PHF11: variants seen among roughly 807,000 people sequenced by gnomAD.
PHF11 encodes PHD finger protein 11, also known as BRCA1 C-terminus-associated protein.
A neutral mutation model predicts 40.5 loss-of-function variants in PHF11; 38 were observed. That is an observed-to-expected ratio of 0.94 (90% CI 0.72 to 1.23). PHF11 has a LOEUF of 1.23. Ranked by LOEUF, PHF11 falls within the 50% of genes most tolerant of loss-of-function variation. The pLI is 0.00. For synonymous variants in PHF11, 127 were observed against 138.2 expected (o/e 0.92, Z 0.57); for missense variants, 369 against 392.4 (o/e 0.94, Z 0.50).
Position 49,523,181 on chromosome 13 carries a change from G to A in PHF11, c.577G>A (p.Glu193Lys), listed in dbSNP as rs368988100. ...PLSGNHVQPP[E>K]TMKCNTFIRQ... ...TCTTGATTTTCTCTCCTAGCCACCCGAAACAATGAAATGTAATACATTCAT... is the reference window on the plus strand; with the variant it reads ...TCTTGATTTTCTCTCCTAGCCACCCAAAACAATGAAATGTAATACATTCAT... The change falls in exon 7 of 10, where the codon GAA (glutamate) becomes AAA (lysine). Residue 193 changes from glutamate to lysine, a missense_variant. Glu to Lys is a moderately conservative substitution (Grantham distance 56). Transcript: ENST00000378319. 2.3e-5 allele frequency: 37 copies of A among 1,607,406 alleles called. No individual in the cohort carries two copies. In the East Asian group the frequency reaches 4.2e-4, roughly 18 times the overall value.
rs1959431508 is a variant in PHF11, at chr13:49,528,907, T to A, written c.*242T>A. On this transcript the variant is annotated 3_prime_UTR_variant, in exon 10 of 10. Coordinates refer to ENST00000378319, the MANE Select transcript of PHF11 (RefSeq NM_001040443.3). Reference sequence around the variant, plus strand: ...ATGTTTGTGGAATAAGTGCATAAAATGTTCTTAACCTTTGATTCTACTTAC... The same window carrying A: ...ATGTTTGTGGAATAAGTGCATAAAAAGTTCTTAACCTTTGATTCTACTTAC... The A allele has an allele frequency of 5.3e-6, 2 of 375,016 alleles. No homozygotes were observed. Among genetic ancestry groups the A allele is most frequent in the Non-Finnish European group, 9.5e-6 (2 of 210,106 alleles). 23.2% of individuals were successfully genotyped at this position (375,016 alleles called of 1,614,324 possible). A position where few individuals can be genotyped will look rare whatever the true frequency, so the allele number is the denominator to read the frequency against.
At chr13:49,521,418 C>G in intron 5 of PHF11, 4 of 986,560 alleles carry the variant, frequency 4.1e-6, no homozygotes, top group Non-Finnish European at 4.8e-6. Context: ...CTTAGCAGCA[C>G]TACATCTGCA....
In PHF11 at chr13:49,523,331, A is replaced by C. The variant is rs541512162; in HGVS notation, c.637+90A>C. ...TGTTTCAAACTTGGTATCCCGCCTA[A>C]ATCTTTATTCTTCTAGGCTTGTGGT... On this transcript the variant is annotated intron_variant, in intron 7 of 9. Transcript: ENST00000378319. 32 of 804,272 alleles carry C rather than the reference A, an allele frequency of 4.0e-5. 1 individual carries two copies. In the African/African-American group the frequency reaches 4.8e-4, roughly 12 times the overall value. 49.8% of individuals were successfully genotyped at this position (804,272 alleles called of 1,614,324 possible).
At chr13:49,505,878 A>G (rs567634778) in intron 1 of PHF11, among the ~76,000 whole-genome samples, 1 of 152,190 alleles carries the variant, frequency 6.6e-6, no homozygotes, top group African/African-American at 2.4e-5. Flanking sequence ...TTGCTCATTT[A>G]TGTCTTTAAT....
intron 9 of PHF11, 84 bp downstream of exon 9, chr13:49,526,542 A>T: frequency 1.3e-6 from 1 of 782,516 alleles, no homozygotes; most frequent in Non-Finnish European, 2.2e-6. Flanking sequence ...TACAGGTGAT[A>T]AAAATATTTT....
chr13:49,503,759 G>A lies in PHF11; in HGVS notation c.95-2876G>A, dbSNP rs563440497. Among the ~76,000 whole-genome samples the A allele has an allele frequency of 3.5e-4, 54 of 152,288 alleles. No individual in the cohort carries two copies. The South Asian group carries it at 0.011, about 30-fold the overall frequency. On this transcript the variant is annotated intron_variant, in intron 1 of 9. Coordinates refer to ENST00000378319, the MANE Select transcript of PHF11 (RefSeq NM_001040443.3). ...TTGTTTGTGTCGTTTTTGAGACAGA[G>A]CCTCATTCTGTTGCCCAGGCTGGAG...
In PHF11 at chr13:49,524,139, ATTAC is replaced by A; in HGVS notation, c.699_702del (p.Leu234LysfsTer4). The A allele has an allele frequency of 6.2e-7, 1 of 1,606,326 alleles. No homozygotes were observed. Among genetic ancestry groups the A allele is most frequent in the Non-Finnish European group, 8.5e-7 (1 of 1,173,814 alleles). On this transcript the variant is annotated frameshift_variant, in exon 8 of 10. Coordinates refer to ENST00000378319, the MANE Select transcript of PHF11 (RefSeq NM_001040443.3). LOFTEE classifies it high-confidence loss of function. The stretch of plus-strand genomic sequence containing the variant: ...AAATGCAAGGAAGCAGGACTTCTTA[ATTAC>A]TTACTTGAAGAAATATTAGACAAAG...
At chr13:49,505,127 A>T (rs1171746059) in intron 1 of PHF11, among the ~76,000 whole-genome samples, 15 of 149,516 alleles carry the variant, frequency 1.0e-4, no homozygotes, top group African/African-American at 2.7e-4. Context: ...AAATAATAAA[A>T]AAATAAATAA....
intron 3 of PHF11, among the ~76,000 whole-genome samples, chr13:49,516,406 G>A (rs941668882): frequency 6.6e-6 from 1 of 150,636 alleles, no homozygotes; most frequent in African/African-American, 2.4e-5. Flanking sequence ...ATGAATAAAT[G>A]TTTATTAGCC....
At chr13:49,519,876 G>A (rs1401677675) in intron 4 of PHF11, among the ~76,000 whole-genome samples, 3 of 152,186 alleles carry the variant, frequency 2.0e-5, no homozygotes, top group Admixed American at 6.5e-5. Flanking sequence ...GCATGGAGGA[G>A]GTGGGAACTG....
chr13:49,523,113 A>C (rs533916455), intron 6 of PHF11, 62 bp from the exon 7 acceptor site: 400 of 1,119,206 alleles, frequency 3.6e-4, no homozygotes, highest in Non-Finnish European at 5.1e-4. Flanking sequence ...ACAGCAAAAG[A>C]CTGGTTTTCA....
chr13:49,501,070 A>G (rs1475707409), intron 1 of PHF11, among the ~76,000 whole-genome samples: 2 of 138,250 alleles, frequency 1.4e-5, no homozygotes, highest in Non-Finnish European at 3.0e-5. Flanking sequence ...CTGGAGTGCA[A>G]TGGTGCGATC....
intron 2 of PHF11, among the ~76,000 whole-genome samples, chr13:49,511,267 C>T (rs1383172301): frequency 6.7e-6 from 1 of 149,068 alleles, no homozygotes; most frequent in Admixed American, 6.7e-5. Flanking sequence ...CTATAAGCAT[C>T]TGTATATGAG....
chr13:49,499,141 C>G (rs1246673769), intron 1 of PHF11, among the ~76,000 whole-genome samples: 1 of 152,236 alleles, frequency 6.6e-6, no homozygotes, highest in Admixed American at 6.5e-5. Context: ...TTTCTCTGGT[C>G]CAGTTTTCCT....
intron 4 of PHF11, 119 bp from the exon 5 acceptor site, chr13:49,520,775 C>A (rs925843039): frequency 4.9e-6 from 3 of 607,786 alleles, no homozygotes; most frequent in Non-Finnish European, 8.0e-6. Context: ...AAAAAAAAAA[C>A]TTTAGTGTGA....
rs1403622841 is a variant in PHF11 at position 49,496,025 on chromosome 13, G to A, written c.24G>A (p.Arg8=). 2.7e-5 allele frequency: 39 copies of A among 1,458,076 alleles called. No homozygotes were observed. In the Admixed American group the frequency reaches 9.5e-4, roughly 36 times the overall value. 90.3% of individuals were successfully genotyped at this position (1,458,076 alleles called of 1,614,324 possible). The change falls in exon 1 of 10, where the codon CGG becomes CGA. Residue 8 remains arginine (R), a synonymous_variant. Coordinates refer to ENST00000378319, the MANE Select transcript of PHF11 (RefSeq NM_001040443.3). ...TCATGGCCCAGGCGTCGCCGCCCCG[G>A]CCCGAGAGGGTGCTCGGCGCCAGCA... The part of the protein sequence containing the change: MAQASPP[R]PERVLGASSP...
chr13:49,510,550 T>C (rs1456897615), intron 2 of PHF11, among the ~76,000 whole-genome samples: 2 of 151,936 alleles, frequency 1.3e-5, no homozygotes, highest in Non-Finnish European at 2.9e-5. Context: ...TAATCATAGC[T>C]CACTGCAGCC....
rs201791460 is a variant in PHF11, at chr13:49,520,928, A to G, written c.493A>G (p.Ile165Val). Residue 165 changes from isoleucine to valine, a missense_variant, in exon 5 of 10, where the codon ATC (isoleucine) becomes GTC (valine). Transcript: ENST00000378319. The part of the protein sequence containing the change: ...LCQQHAQFPI[I>V]AQSAKFSGVK... ...CCAGCAACATGCTCAATTCCCGATC[A>G]TCGCTCAAAGTGGTAAGTTTCTAAA... 4 of 1,584,186 alleles carry G rather than the reference A, an allele frequency of 2.5e-6. No individual in the cohort carries two copies. Among genetic ancestry groups the G allele is most frequent in the Non-Finnish European group, 2.6e-6 (3 of 1,158,386 alleles).
At chr13:49,497,483 A>G (rs539613821) in intron 1 of PHF11, among the ~76,000 whole-genome samples, 1 of 152,208 alleles carries the variant, frequency 6.6e-6, no homozygotes, top group African/African-American at 2.4e-5. Flanking sequence ...CGGGCCAGCC[A>G]GTTCTGTGTT....
Sources: gnomAD v4.1 joint callset for allele counts (sites outside exome capture counted in the v4.1 genomes callset) on GRCh38, gnomAD v4.1.1 for gene constraint, MANE v1.5 for transcripts, NCBI Gene and HGNC (gene_info 2026-07-23, HGNC 2026-07-21) for gene names.